TRAPPC9: variants seen among roughly 807,000 people sequenced by gnomAD.
TRAPPC9 encodes trafficking protein particle complex subunit 9.
Under a neutral mutation model 124.0 loss-of-function variants are expected in TRAPPC9, and 83 were observed. The observed-to-expected ratio is 0.67, with a 90% CI of 0.56 to 0.80. The LOEUF is 0.80. TRAPPC9 is among the 30% of genes least tolerant of loss of function. TRAPPC9 has a pLI of 0.00. For missense variants in TRAPPC9, 1,302 were observed against 1,508.3 expected (o/e 0.86, Z 2.27); for synonymous variants, 638 against 617.5 (o/e 1.03, Z -0.49).
At chr8:140,236,691 C>A (rs2063738162) in intron 16 of TRAPPC9, among the ~76,000 whole-genome samples, 1 of 152,076 alleles carries the variant, frequency 6.6e-6, no homozygotes, top group South Asian at 2.1e-4. Context: ...ATCTGTGGGA[C>A]CTTTATAGAG....
intron 21 of TRAPPC9, among the ~76,000 whole-genome samples, chr8:139,817,045 AACACAC>A (rs1228353322): frequency 3.0e-5 from 4 of 135,286 alleles, no homozygotes; most frequent in African/African-American, 5.9e-5. Context: ...ACATAAACTA[AACACAC>A]ACACACACAC....
intron 17 of TRAPPC9, among the ~76,000 whole-genome samples, chr8:140,029,869 C>T (rs1840395485): frequency 6.6e-6 from 1 of 151,844 alleles, no homozygotes; most frequent in South Asian, 2.1e-4. Flanking sequence ...CTATATCCCT[C>T]ATGAATTTAA....
chr8:140,074,887 T>C (rs911076257), intron 17 of TRAPPC9, among the ~76,000 whole-genome samples: 4 of 152,144 alleles, frequency 2.6e-5, no homozygotes, highest in African/African-American at 9.7e-5. Flanking sequence ...GTGCTGTTGA[T>C]CGCCAGTGGT....
At chr8:140,114,149 GC>G (rs1336497520) in intron 17 of TRAPPC9, among the ~76,000 whole-genome samples, 7 of 152,070 alleles carry the variant, frequency 4.6e-5, no homozygotes, top group African/African-American at 1.7e-4. Flanking sequence ...CTGCTTCCGA[GC>G]GGGGACTGTT....
chr8:139,799,575 A>C (rs1823329042), intron 21 of TRAPPC9, among the ~76,000 whole-genome samples: 1 of 152,144 alleles, frequency 6.6e-6, no homozygotes, highest in Non-Finnish European at 1.5e-5. Flanking sequence ...TGCATTTGCT[A>C]TCCAGTCTCA....
intron 4 of TRAPPC9, among the ~76,000 whole-genome samples, chr8:140,426,886 C>A (rs1214557043): frequency 6.6e-6 from 1 of 151,788 alleles, no homozygotes; most frequent in Non-Finnish European, 1.5e-5. Flanking sequence ...CTCCTCACCT[C>A]TCTGCCTTCC....
chr8:139,952,322 C>T (rs138021331), intron 19 of TRAPPC9, among the ~76,000 whole-genome samples: 82 of 152,286 alleles, frequency 5.4e-4, no homozygotes, highest in African/African-American at 1.8e-3. Context: ...ATTATTGTCA[C>T]AGAAGAAGGG....
chr8:140,114,210 G>A (rs2060834536), intron 17 of TRAPPC9, among the ~76,000 whole-genome samples: 2 of 151,890 alleles, frequency 1.3e-5, no homozygotes, highest in Admixed American at 1.3e-4. Context: ...AGGTCAGAAG[G>A]CTGTCCTTAC....
At chr8:139,985,422 C>A (rs947154125) in intron 19 of TRAPPC9, among the ~76,000 whole-genome samples, 2 of 152,240 alleles carry the variant, frequency 1.3e-5, no homozygotes, top group Non-Finnish European at 2.9e-5. Context: ...GGACCCAGCA[C>A]TGCCAAAGGC....
chr8:140,350,243 T>C (rs2067514201), intron 9 of TRAPPC9, among the ~76,000 whole-genome samples: 1 of 152,220 alleles, frequency 6.6e-6, no homozygotes, highest in South Asian at 2.1e-4. Flanking sequence ...GTGATTATTT[T>C]TGGTCTCCTG....
At chr8:139,946,661 T>C (rs1423052928) in intron 19 of TRAPPC9, among the ~76,000 whole-genome samples, 1 of 148,726 alleles carries the variant, frequency 6.7e-6, no homozygotes, top group African/African-American at 2.5e-5. Context: ...TATGAGAGTA[T>C]CCGCAGAATT....
chr8:140,405,903 G>C lies in TRAPPC9; in HGVS notation c.887-205C>G, dbSNP rs561542044. Among the ~76,000 whole-genome samples the C allele has an allele frequency of 7.2e-5, 11 of 152,222 alleles. No individual in the cohort carries two copies. The East Asian group carries it at 1.7e-3, about 24-fold the overall frequency. On this transcript the variant is annotated intron_variant, in intron 5 of 22. Coordinates refer to ENST00000438773, the MANE Select transcript of TRAPPC9 (RefSeq NM_001160372.4). ...TTAAATGTTGGTTAACTCAAAATAA[G>C]TTTTCCTCCCTTTTGAAATTTTTTA...
chr8:139,993,061 T>C (rs1312603351), intron 18 of TRAPPC9, among the ~76,000 whole-genome samples: 3 of 152,180 alleles, frequency 2.0e-5, no homozygotes, highest in Non-Finnish European at 4.4e-5. Flanking sequence ...TTTGGCTGCA[T>C]TAAAATTAAG....
chr8:139,911,676 G>A (rs561743637), intron 19 of TRAPPC9, among the ~76,000 whole-genome samples: 1 of 151,632 alleles, frequency 6.6e-6, no homozygotes, highest in East Asian at 1.9e-4. Flanking sequence ...CTGCACTCCA[G>A]CCTAAATGGC....
intron 17 of TRAPPC9, among the ~76,000 whole-genome samples, chr8:140,045,626 C>A (rs1841533079): frequency 1.7e-5 from 1 of 57,334 alleles, no homozygotes; most frequent in South Asian, 7.3e-4. Flanking sequence ...GACTCCATCT[C>A]GGCAGAAAAA....
chr8:140,036,825 C>T (rs933023505), intron 17 of TRAPPC9, among the ~76,000 whole-genome samples: 7 of 152,110 alleles, frequency 4.6e-5, no homozygotes, highest in African/African-American at 1.4e-4. Flanking sequence ...AAAATCATCA[C>T]GATCACATTA....
chr8:139,969,479 C>T (rs756710646), intron 19 of TRAPPC9, among the ~76,000 whole-genome samples: 1 of 152,326 alleles, frequency 6.6e-6, no homozygotes. Context: ...GGCCTAGGTT[C>T]GGATCCTGGC....
intron 16 of TRAPPC9, among the ~76,000 whole-genome samples, chr8:140,237,319 A>G (rs2063751942): frequency 6.6e-6 from 1 of 151,834 alleles, no homozygotes; most frequent in South Asian, 2.1e-4. Context: ...CAGGGAACAG[A>G]GAATAAGCAG....
chr8:140,210,211 C>T (rs1397105958), intron 17 of TRAPPC9, among the ~76,000 whole-genome samples: 1 of 152,240 alleles, frequency 6.6e-6, no homozygotes, highest in East Asian at 1.9e-4. Flanking sequence ...AGGGCCGAGC[C>T]TGCCTCTGCC....
Sources: allele counts gnomAD v4.1 joint callset (sites outside exome capture counted in the v4.1 genomes callset), GRCh38; gene constraint gnomAD v4.1.1; transcripts MANE v1.5; gene names NCBI Gene and HGNC (gene_info 2026-07-23, HGNC 2026-07-21).